The following SH3D19 variants were observed in gnomAD, a reference collection of about 807,000 sequenced individuals.
SH3D19 encodes the protein SH3 domain-containing protein 19.
In SH3D19, 58 loss-of-function variants were observed where a neutral mutation model predicts 112.1. The ratio of observed to expected loss-of-function variants is 0.52; its 90% CI spans 0.42 to 0.64. SH3D19 has a LOEUF of 0.64. Among genes scored for constraint, SH3D19 ranks in the 30% least tolerant of loss-of-function variants. The probability of loss-of-function intolerance (pLI) is 0.00; values close to 1 mark genes in which losing one functional copy is unlikely to be tolerated. For synonymous variants in SH3D19, 391 were observed against 448.5 expected (o/e 0.87, Z 1.62); for missense variants, 1,090 against 1,263.4 (o/e 0.86, Z 2.08).
intron 1 of SH3D19, among the ~76,000 whole-genome samples, chr4:151,274,493 G>A (rs1220363513): frequency 6.6e-6 from 1 of 152,170 alleles, no homozygotes; most frequent in Non-Finnish European, 1.5e-5. Flanking sequence ...CAAATAAGAC[G>A]TCTTGGGAGT....
Position 151,282,399 on chromosome 4 carries a change from T to G in SH3D19, c.112+42842A>C, listed in dbSNP as rs771091556. The stretch of plus-strand genomic sequence containing the variant: ...TGTTGGGTGACCGGATGGGGAAAAG[T>G]TAAGGAAAGTTCAGGTGAGAATGGG... On this transcript the variant is annotated intron_variant, in intron 1 of 19. Transcript: ENST00000604030. 3 of 1,613,850 alleles carry G rather than the reference T, an allele frequency of 1.9e-6. No homozygotes were observed. The South Asian group carries it at 3.3e-5, about 18-fold the overall frequency.
chr4:151,261,053 C>A (rs1364968516), intron 1 of SH3D19: 1 of 152,010 alleles, frequency 6.6e-6, no homozygotes, highest in African/African-American at 2.4e-5. Context: ...ACACACACAC[C>A]CCTACACACC....
At chr4:151,212,955 A>G (rs1766207473) in intron 2 of SH3D19, among the ~76,000 whole-genome samples, 1 of 152,232 alleles carries the variant, frequency 6.6e-6, no homozygotes, top group Non-Finnish European at 1.5e-5. Flanking sequence ...TCCAACCCCC[A>G]TGGATGACTT....
At chr4:151,271,011 C>T (rs568517576) in intron 1 of SH3D19, among the ~76,000 whole-genome samples, 1 of 152,234 alleles carries the variant, frequency 6.6e-6, no homozygotes, top group African/African-American at 2.4e-5. Flanking sequence ...GCAGTCTCAA[C>T]CTCTCAAGTT....
At position 151,147,924 on chromosome 4, in the gene SH3D19, T is replaced by A. The variant is rs80349695; in HGVS notation, c.2080A>T (p.Met694Leu). The change falls in exon 11 of 20, where the codon ATG becomes TTG. Residue 694 changes from methionine (M) to leucine (L), a missense_variant and splice_region_variant. Transcript: ENST00000604030. Reference sequence around the variant, plus strand: ...ACATTTTTAAAAGCTAAATTTACCATGTATTTACTGTAGAGAGGGTGTCCT... The same window carrying A: ...ACATTTTTAAAAGCTAAATTTACCAAGTATTTACTGTAGAGAGGGTGTCCT... ...KPGHPLYSKY[M>L]RGDVLVMLKQ... The A allele has an allele frequency of 4.9e-4, 785 of 1,597,882 alleles. 5 individuals are homozygous for A. In the African/African-American group the frequency reaches 9.2e-3, roughly 19 times the overall value.
At chr4:151,306,635 C>T (rs978157073) in intron 1 of SH3D19, among the ~76,000 whole-genome samples, 1 of 152,152 alleles carries the variant, frequency 6.6e-6, no homozygotes, top group Non-Finnish European at 1.5e-5. Context: ...TGAGCAATAC[C>T]AAATTACATT....
intron 1 of SH3D19, among the ~76,000 whole-genome samples, chr4:151,234,995 C>T (rs1314228044): frequency 6.6e-6 from 1 of 152,114 alleles, no homozygotes; most frequent in Admixed American, 6.5e-5. Flanking sequence ...AGTGATCCTC[C>T]TACCTCAGCC....
chr4:151,147,876 T>G, intron 11 of SH3D19, 46 bp downstream of exon 11: 1 of 1,546,180 alleles, frequency 6.5e-7, no homozygotes, highest in African/African-American at 1.4e-5. Context: ...ATATATACTT[T>G]AGGGCACACC....
At position 151,290,150 on chromosome 4, in the gene SH3D19, A is replaced by G. The variant is rs867529824; in HGVS notation, c.112+35091T>C. On this transcript the variant is annotated intron_variant, in intron 1 of 19. Transcript: ENST00000604030. ...TGTTTTGAAGAGACAGGGTTCCACT[A>G]GGTTGCCCAGGTTGGTCTCAAATGC... is the stretch of plus-strand genomic sequence containing the variant. Among the ~76,000 whole-genome samples the G allele has an allele frequency of 3.9e-5, 6 of 152,306 alleles. No homozygotes were observed. The South Asian group carries it at 1.0e-3, about 26-fold the overall frequency.
In SH3D19 at chr4:151,292,899, C is replaced by A. The variant is rs537425071; in HGVS notation, c.112+32342G>T. Among the ~76,000 whole-genome samples, 771 of 152,166 alleles carry A rather than the reference C, an allele frequency of 5.1e-3. 3 individuals carry two copies. The highest frequency in any genetic ancestry group is 8.3e-3 in the Non-Finnish European group (567 of 68,012). ...CTTTGGGAGGCCAAGGAGGGTGGATCACTTAAGGTCAGGAGTTCAAGACCA... is the reference window on the plus strand; with the variant it reads ...CTTTGGGAGGCCAAGGAGGGTGGATAACTTAAGGTCAGGAGTTCAAGACCA... On this transcript the variant is annotated intron_variant, in intron 1 of 19. Coordinates refer to ENST00000604030, the MANE Select transcript of SH3D19 (RefSeq NM_001378122.1).
At chr4:151,227,922 A>G in intron 1 of SH3D19, 1 of 985,428 alleles carries the variant, frequency 1.0e-6, no homozygotes, top group Non-Finnish European at 1.2e-6. Context: ...CGATGCATGT[A>G]AACAAGACTC....
intron 1 of SH3D19, among the ~76,000 whole-genome samples, chr4:151,241,207 C>T (rs1770527855): frequency 1.3e-5 from 2 of 151,942 alleles, no homozygotes; most frequent in South Asian, 4.1e-4. Context: ...CAGGAGGATT[C>T]CTTGAGCCCA....
At chr4:151,138,628 A>G (rs1036083008) in intron 13 of SH3D19, among the ~76,000 whole-genome samples, 3 of 149,674 alleles carry the variant, frequency 2.0e-5, no homozygotes, top group Non-Finnish European at 4.5e-5. Context: ...CCAGGAGTTC[A>G]AGGTTATAGT....
At chr4:151,161,617 T>TAC (rs2149800317) in intron 8 of SH3D19, among the ~76,000 whole-genome samples, 1 of 145,088 alleles carries the variant, frequency 6.9e-6, no homozygotes, top group South Asian at 2.3e-4. Context: ...TTGTCTTTTA[T>TAC]ACATATATAT....
intron 1 of SH3D19, among the ~76,000 whole-genome samples, chr4:151,286,911 T>C (rs1395841717): frequency 2.0e-5 from 3 of 150,218 alleles, no homozygotes; most frequent in East Asian, 2.0e-4. Context: ...ATCTGGGAGG[T>C]AGAGGTTACA....
intron 15 of SH3D19, among the ~76,000 whole-genome samples, chr4:151,134,804 C>A (rs1457117750): frequency 6.6e-6 from 1 of 152,148 alleles, no homozygotes; most frequent in Non-Finnish European, 1.5e-5. Context: ...ATTAAAAAGA[C>A]ACGATGAGAA....
chr4:151,234,751 T>G lies in SH3D19; in HGVS notation c.113-8665A>C, dbSNP rs1293395363. 1.5e-4 allele frequency among the ~76,000 whole-genome samples: 19 copies of G among 129,080 alleles called. 1 individual carries two copies. Among genetic ancestry groups the G allele is most frequent in the Non-Finnish European group, 2.6e-4 (16 of 61,408 alleles). 84.7% of individuals were successfully genotyped at this position (129,080 alleles called of 152,430 possible). A position where few individuals can be genotyped will look rare whatever the true frequency, so the allele number is the denominator to read the frequency against. ...CAAGTTTGTGTTTTTTTTTTTTTTT[T>G]TTTTTTTTTTTTTTTAGACAGGGGC... On this transcript the variant is annotated intron_variant, in intron 1 of 19. Coordinates refer to ENST00000604030, the MANE Select transcript of SH3D19 (RefSeq NM_001378122.1).
intron 2 of SH3D19, among the ~76,000 whole-genome samples, chr4:151,209,813 G>A (rs546708343): frequency 2.6e-5 from 4 of 152,244 alleles, no homozygotes; most frequent in African/African-American, 4.8e-5. Flanking sequence ...GAAAAGCTCC[G>A]AGCATACAGA....
intron 1 of SH3D19, among the ~76,000 whole-genome samples, chr4:151,273,406 T>C (rs980228537): frequency 6.6e-6 from 1 of 151,586 alleles, no homozygotes; most frequent in African/African-American, 2.4e-5. Context: ...CTGGCTAACA[T>C]GGTGAAAACC....
Sources: allele counts gnomAD v4.1 joint callset (sites outside exome capture counted in the v4.1 genomes callset), GRCh38; gene constraint gnomAD v4.1.1; transcripts MANE v1.5; gene names NCBI Gene and HGNC (gene_info 2026-07-23, HGNC 2026-07-21).